The following PTPRT variants were observed in gnomAD, a reference collection of about 807,000 sequenced individuals.
PTPRT encodes the protein protein tyrosine phosphatase receptor type T.
PTPRT carries 56 observed loss-of-function variants against 176.8 expected under a neutral mutation model. The observed-to-expected ratio is 0.32, with a 90% CI of 0.26 to 0.40. PTPRT has a LOEUF of 0.40. PTPRT is among the 10% of genes least tolerant of loss of function. The probability of loss-of-function intolerance (pLI) is 1.00; values close to 1 mark genes in which losing one functional copy is unlikely to be tolerated. For synonymous variants in PTPRT, 783 were observed against 739.0 expected, an observed-to-expected ratio of 1.06 and a Z score of -0.96; for missense variants, 1,540 against 1,908.2, an observed-to-expected ratio of 0.81 and a Z score of 3.60.
chr20:42,972,136 G>A (rs147282826), intron 1 of PTPRT, among the ~76,000 whole-genome samples: 50 of 145,136 alleles, frequency 3.4e-4, no homozygotes, highest in African/African-American at 1.1e-3. Flanking sequence ...GAATCATCAT[G>A]GAATGCCATG....
intron 1 of PTPRT, among the ~76,000 whole-genome samples, chr20:43,045,281 G>A (rs534069380): frequency 6.6e-6 from 1 of 152,168 alleles, no homozygotes; most frequent in South Asian, 2.1e-4. Flanking sequence ...CCTCCCTTCA[G>A]TTAATTTCAT....
At chr20:42,806,596 C>G (rs1031384804) in intron 2 of PTPRT, among the ~76,000 whole-genome samples, 3 of 151,832 alleles carry the variant, frequency 2.0e-5, no homozygotes, top group African/African-American at 7.3e-5. Context: ...CCATAAAGGG[C>G]CAGAGAGTCA....
chr20:42,349,733 C>T (rs568868014), intron 11 of PTPRT, among the ~76,000 whole-genome samples: 2 of 152,346 alleles, frequency 1.3e-5, no homozygotes, highest in African/African-American at 4.8e-5. Context: ...ACTCAATGCT[C>T]TGCTTCATTT....
intron 7 of PTPRT, among the ~76,000 whole-genome samples, chr20:42,577,177 G>A (rs749516194): frequency 8.5e-5 from 13 of 152,160 alleles, no homozygotes; most frequent in African/African-American, 1.4e-4. Context: ...GTCAACAATC[G>A]CTATAACAGA....
Position 42,448,245 on chromosome 20 carries a change from G to A in PTPRT, c.1535C>T (p.Thr512Ile). 1 of 1,612,344 alleles carries A rather than the reference G, an allele frequency of 6.2e-7. No homozygotes were observed. The highest frequency in any genetic ancestry group is 8.5e-7 in the Non-Finnish European group (1 of 1,178,414). Residue 512 changes from threonine (T) to isoleucine (I), a missense_variant, in exon 9 of 31, where the codon ACC becomes ATC. Physicochemically the swap from Thr to Ile is moderately conservative, Grantham distance 89 (BLOSUM62 -1). Coordinates refer to ENST00000373187, the MANE Select transcript of PTPRT (RefSeq NM_007050.6). ...CTCGTAGAGCGTGATGACCCCATTGGTCTCATTGGGAGGTTTCCACTGGAT... is the reference window on the plus strand; with the variant it reads ...CTCGTAGAGCGTGATGACCCCATTGATCTCATTGGGAGGTTTCCACTGGAT... ...IYIQWKPPNE[T>I]NGVITLYEIN...
intron 2 of PTPRT, among the ~76,000 whole-genome samples, chr20:42,868,050 G>C (rs528286518): frequency 1.6e-4 from 24 of 152,254 alleles, no homozygotes; most frequent in African/African-American, 5.3e-4. Flanking sequence ...TTAATACCGA[G>C]AAGTAGAGTG....
At chr20:43,011,725 A>G (rs371261690) in intron 1 of PTPRT, among the ~76,000 whole-genome samples, 1 of 152,224 alleles carries the variant, frequency 6.6e-6, no homozygotes, top group African/African-American at 2.4e-5. Flanking sequence ...GATGGTTAAT[A>G]CCGAGTGTCA....
chr20:42,831,458 A>T (rs1401053844), intron 2 of PTPRT, among the ~76,000 whole-genome samples: 1 of 152,216 alleles, frequency 6.6e-6, no homozygotes, highest in Non-Finnish European at 1.5e-5. Flanking sequence ...GACATTCTGT[A>T]CATAGGAACA....
At chr20:42,835,640 T>A (rs2078168763) in intron 2 of PTPRT, among the ~76,000 whole-genome samples, 1 of 152,172 alleles carries the variant, frequency 6.6e-6, no homozygotes, top group African/African-American at 2.4e-5. Flanking sequence ...AAGAACTTTT[T>A]TTCATCAAAA....
At chr20:42,487,387 C>A (rs1234482706) in intron 7 of PTPRT, among the ~76,000 whole-genome samples, 4 of 152,146 alleles carry the variant, frequency 2.6e-5, no homozygotes, top group Non-Finnish European at 5.9e-5. Flanking sequence ...ATCCTCTGCC[C>A]CAAATCAAAA....
chr20:43,066,164 C>T (rs2011110307), intron 1 of PTPRT, among the ~76,000 whole-genome samples: 1 of 152,156 alleles, frequency 6.6e-6, no homozygotes, highest in South Asian at 2.1e-4. Flanking sequence ...ATACACGTGG[C>T]AGGTGCCTGT....
intron 1 of PTPRT, among the ~76,000 whole-genome samples, chr20:42,964,623 T>C (rs529870032): frequency 1.8e-4 from 27 of 152,342 alleles, no homozygotes; most frequent in African/African-American, 6.0e-4. Flanking sequence ...AAGTCATGAC[T>C]AATATAATTA....
At chr20:42,896,920 G>A (rs776957733) in intron 1 of PTPRT, among the ~76,000 whole-genome samples, 5 of 152,164 alleles carry the variant, frequency 3.3e-5, no homozygotes, top group Non-Finnish European at 5.9e-5. Context: ...CGGAATGAAT[G>A]TAAACCAGCC....
At chr20:42,300,678 C>T (rs1193849180) in intron 12 of PTPRT, among the ~76,000 whole-genome samples, 3 of 151,314 alleles carry the variant, frequency 2.0e-5, no homozygotes, top group East Asian at 1.9e-4. Flanking sequence ...AACTCATCCT[C>T]GGAATAGATG....
At chr20:42,124,671 G>A (rs1373828443) in intron 19 of PTPRT, among the ~76,000 whole-genome samples, 2 of 152,240 alleles carry the variant, frequency 1.3e-5, no homozygotes, top group Non-Finnish European at 1.5e-5. Context: ...CAGGGTGATG[G>A]AGTGAGGACC....
intron 7 of PTPRT, among the ~76,000 whole-genome samples, chr20:42,657,575 GA>G (rs770492015): frequency 2.6e-5 from 4 of 151,316 alleles, no homozygotes; most frequent in Admixed American, 1.3e-4. Flanking sequence ...TTGTGGGGGG[GA>G]AAAATCTGTG....
chr20:42,398,456 T>A (rs2058872727), intron 9 of PTPRT, among the ~76,000 whole-genome samples: 2 of 152,172 alleles, frequency 1.3e-5, no homozygotes, highest in African/African-American at 4.8e-5. Context: ...AGTATGTACA[T>A]CTCAAAGATG....
intron 2 of PTPRT, among the ~76,000 whole-genome samples, chr20:42,849,857 T>C (rs1389966956): frequency 2.0e-5 from 3 of 152,210 alleles, no homozygotes; most frequent in Non-Finnish European, 2.9e-5. Flanking sequence ...CAGATGCCTA[T>C]GTCTACCCCT....
chr20:42,854,044 T>C (rs370243956), intron 2 of PTPRT, among the ~76,000 whole-genome samples: 12 of 152,248 alleles, frequency 7.9e-5, no homozygotes, highest in East Asian at 3.9e-4. Context: ...AATCAAATCA[T>C]TGGAGTAGAA....
Sources: allele counts gnomAD v4.1 joint callset (sites outside exome capture counted in the v4.1 genomes callset), GRCh38; gene constraint gnomAD v4.1.1; transcripts MANE v1.5; gene names NCBI Gene and HGNC (gene_info 2026-07-23, HGNC 2026-07-21).